LANCL1: variants seen among roughly 807,000 people sequenced by gnomAD.
The protein encoded by LANCL1 is glutathione S-transferase LANCL1.
A neutral mutation model predicts 50.6 loss-of-function variants in LANCL1; 50 were observed. The observed-to-expected ratio is 0.99, with a 90% CI of 0.79 to 1.25. The LOEUF is 1.25. LANCL1 is among the 50% of genes most tolerant of loss of function. The probability of loss-of-function intolerance (pLI) is 0.00; values close to 1 mark genes in which losing one functional copy is unlikely to be tolerated. For missense variants in LANCL1, 532 were observed against 480.7 expected (o/e 1.11, Z -1.00); for synonymous variants, 188 against 178.6 (o/e 1.05, Z -0.42).
At chr2:210,467,283 G>A (rs936716136) in intron 3 of LANCL1, among the ~76,000 whole-genome samples, 2 of 152,146 alleles carry the variant, frequency 1.3e-5, no homozygotes, top group South Asian at 4.1e-4. Context: ...AAGCAAAAAC[G>A]TCCGACAGAA....
chr2:210,439,626 C>T (rs1207756308), intron 6 of LANCL1, among the ~76,000 whole-genome samples: 1 of 152,160 alleles, frequency 6.6e-6, no homozygotes, highest in East Asian at 1.9e-4. Context: ...AATAAATACG[C>T]TAGTCTCTGA....
intron 4 of LANCL1, among the ~76,000 whole-genome samples, chr2:210,444,462 G>A (rs1693247739): frequency 6.6e-6 from 1 of 152,218 alleles, no homozygotes; most frequent in African/African-American, 2.4e-5. Flanking sequence ...AGTTATGAAA[G>A]AAAGACTGAG....
At chr2:210,455,374 TG>T in intron 3 of LANCL1, 60 bp from the exon 4 acceptor site, 12 of 1,417,400 alleles carry the variant, frequency 8.5e-6, no homozygotes, top group Non-Finnish European at 1.2e-5. Flanking sequence ...TTATTATTTT[TG>T]GCATGGTGTC....
chr2:210,448,040 A>G (rs1046038197), intron 4 of LANCL1, among the ~76,000 whole-genome samples: 10 of 152,218 alleles, frequency 6.6e-5, no homozygotes, highest in Non-Finnish European at 1.3e-4. Flanking sequence ...ACCCCAAATC[A>G]ACAGAATGTA....
chr2:210,437,516 T>C (rs963112179), intron 7 of LANCL1, among the ~76,000 whole-genome samples, 174 bp downstream of exon 7: 2 of 152,174 alleles, frequency 1.3e-5, no homozygotes, highest in East Asian at 1.9e-4. Flanking sequence ...TATGAAACAA[T>C]GGCTGCTATG....
chr2:210,470,916 G>C (rs1195306127), intron 3 of LANCL1, among the ~76,000 whole-genome samples: 1 of 151,810 alleles, frequency 6.6e-6, no homozygotes, highest in African/African-American at 2.4e-5. Flanking sequence ...ATTCCTCCTT[G>C]CCCACTCTTT....
intron 4 of LANCL1, among the ~76,000 whole-genome samples, chr2:210,449,599 A>T (rs992724457): frequency 1.3e-5 from 2 of 152,216 alleles, no homozygotes; most frequent in African/African-American, 4.8e-5. Flanking sequence ...TATATTTAGA[A>T]AACCCCTTCA....
chr2:210,476,871 C>G (rs1694401761), upstream of LANCL1: 1 of 956,264 alleles, frequency 1.0e-6, no homozygotes. Context: ...AAGGATAACG[C>G]AGGGTATTTT....
chr2:210,448,477 C>G (rs1403634731), intron 4 of LANCL1, among the ~76,000 whole-genome samples: 1 of 151,900 alleles, frequency 6.6e-6, no homozygotes, highest in East Asian at 1.9e-4. Flanking sequence ...CAAAAGCTAG[C>G]AGAAGACAAG....
chr2:210,472,171 C>T (rs2105928646), intron 2 of LANCL1, 95 bp from the exon 3 acceptor site: 3 of 809,646 alleles, frequency 3.7e-6, no homozygotes, highest in Middle Eastern at 4.5e-4. Context: ...TTCTTTTCCA[C>T]TTAGGACATA....
intron 9 of LANCL1, 34 bp downstream of exon 9, chr2:210,435,353 A>G: frequency 1.3e-6 from 2 of 1,522,346 alleles, no homozygotes; most frequent in South Asian, 1.1e-5. Flanking sequence ...AGATGCTGAT[A>G]TTATAGGGCA....
Position 210,434,517 on chromosome 2 carries a change from T to C in LANCL1, c.1170A>G (p.Thr390=), listed in dbSNP as rs747676148. 2 of 1,613,514 alleles carry C rather than the reference T, an allele frequency of 1.2e-6. No individual in the cohort carries two copies. The highest frequency in any genetic ancestry group is 4.5e-5 in the East Asian group (2 of 44,868). The change falls in exon 10 of 10, where the codon ACA becomes ACG. Residue 390 remains threonine (T), a synonymous_variant. Coordinates refer to ENST00000450366, the MANE Select transcript of LANCL1 (RefSeq NM_006055.3). ...GTTCAAATGCAGGGAACCTGGCTTT[T>C]GTGGGGACTAGCAGGTCAGCCAGGA... ...IYFLADLLVP[T]KARFPAFEL
chr2:210,437,932 G>C, intron 6 of LANCL1, 60 bp from the exon 7 acceptor site: 1 of 1,243,534 alleles, frequency 8.0e-7, no homozygotes, highest in Non-Finnish European at 1.1e-6. Context: ...CTAGGTCTCA[G>C]TATATTTAAA....
Position 210,466,874 on chromosome 2 carries a change from TG to T in LANCL1, c.199+5084del, listed in dbSNP as rs990668751. On this transcript the variant is annotated intron_variant, in intron 3 of 9. Coordinates refer to ENST00000450366, the MANE Select transcript of LANCL1 (RefSeq NM_006055.3). ...ACAATAAATTCCTGCTGGAGAAAAC[TG>T]GGTTCAGATAGTGTGCATGACTTCA... 2.2e-4 allele frequency among the ~76,000 whole-genome samples: 34 copies of T among 151,854 alleles called. 1 individual carries two copies. The South Asian group carries it at 3.5e-3, about 16-fold the overall frequency.
intron 3 of LANCL1, among the ~76,000 whole-genome samples, chr2:210,471,042 ATTTTTTTTTTT>A (rs35572251): frequency 2.1e-5 from 2 of 96,286 alleles, no homozygotes; most frequent in East Asian, 3.2e-4. Context: ...TTCTTCTTTG[ATTTTTTTTTTT>A]TTTTTTTTTT....
chr2:210,435,875 A>T (rs1156529216), intron 8 of LANCL1, among the ~76,000 whole-genome samples: 1 of 150,258 alleles, frequency 6.7e-6, no homozygotes, highest in African/African-American at 2.4e-5. Context: ...CTCTTTCTAC[A>T]ACCTCCTGGG....
chr2:210,440,202 T>G (rs1300890900), intron 6 of LANCL1, among the ~76,000 whole-genome samples: 3 of 152,232 alleles, frequency 2.0e-5, no homozygotes, highest in African/African-American at 7.2e-5. Flanking sequence ...ATTGATTTTG[T>G]TCTTATTCCT....
intron 7 of LANCL1, among the ~76,000 whole-genome samples, chr2:210,436,986 G>A (rs1353229291): frequency 6.6e-6 from 1 of 152,156 alleles, no homozygotes; most frequent in Non-Finnish European, 1.5e-5. Flanking sequence ...TCTCTGAAAT[G>A]TAGAATATGA....
chr2:210,473,027 A>C lies in LANCL1; in HGVS notation c.82-951T>G, dbSNP rs528380203. The stretch of plus-strand genomic sequence containing the variant: ...ACACAATCATTACGTTATTCTTCTT[A>C]AAGGCAAATGAAAAATAATTTTAAA... On this transcript the variant is annotated intron_variant, in intron 2 of 9. Coordinates refer to ENST00000450366, the MANE Select transcript of LANCL1 (RefSeq NM_006055.3). 4.6e-5 allele frequency among the ~76,000 whole-genome samples: 7 copies of C among 152,286 alleles called. No individual in the cohort carries two copies. In the South Asian group the frequency reaches 1.5e-3, roughly 32 times the overall value.
Sources: gnomAD v4.1 joint callset for allele counts (sites outside exome capture counted in the v4.1 genomes callset) on GRCh38, gnomAD v4.1.1 for gene constraint, MANE v1.5 for transcripts, NCBI Gene and HGNC (gene_info 2026-07-23, HGNC 2026-07-21) for gene names.